The following SETD1A variants were observed in gnomAD, a reference collection of about 807,000 sequenced individuals.
SETD1A encodes histone-lysine N-methyltransferase SETD1A.
In SETD1A, 29 loss-of-function variants were observed where a neutral mutation model predicts 149.9. The observed-to-expected ratio is 0.19, with a 90% CI of 0.14 to 0.26. The LOEUF (loss-of-function observed/expected upper bound fraction) is 0.26. Among genes scored for constraint, SETD1A ranks in the 10% least tolerant of loss-of-function variants. SETD1A has a pLI of 1.00. For missense variants in SETD1A, 2,109 were observed against 2,353.1 expected, an observed-to-expected ratio of 0.90 and a Z score of 2.15; for synonymous variants, 1,141 against 968.5, an observed-to-expected ratio of 1.18 and a Z score of -3.31.
Position 30,964,991 on chromosome 16 carries a change from C to T in SETD1A, c.1249C>T (p.Pro417Ser). 2 of 1,613,876 alleles carry T rather than the reference C, an allele frequency of 1.2e-6. No homozygotes were observed. The highest frequency in any genetic ancestry group is 1.7e-5 in the Admixed American group (1 of 60,024). ...TTACACCTCCTACCTGCCCCCCGAG[C>T]CCAGCCGGCCCACCGACCAGGACTA... ...PSYTSYLPPEPSRPTDQDYRP... is the reference protein window; with the variant it reads ...PSYTSYLPPESSRPTDQDYRP... The change falls in exon 7 of 19, where the codon CCC becomes TCC. Residue 417 changes from proline (P) to serine (S), a missense_variant. Pro to Ser is a moderately conservative substitution (Grantham distance 74). Around this residue, in one of 8 missense-constraint regions of SETD1A, gnomAD observed 410 missense variants for 394.8 expected, o/e 1.04. Transcript: ENST00000262519.
In SETD1A at chr16:30,966,089, G is replaced by C. The variant is rs779459035; in HGVS notation, c.2208G>C (p.Gly736=). Residue 736 remains glycine, a synonymous_variant, in exon 8 of 19, where the codon GGG becomes GGC. Transcript: ENST00000262519. Reference sequence around the variant, plus strand: ...TGCCGTATGCTCTATATGCACAGGGGCAGGAGGGCAGAGGGGCATACTCAC... The same window carrying C: ...TGCCGTATGCTCTATATGCACAGGGCCAGGAGGGCAGAGGGGCATACTCAC... ...YGLPYALYAQ[G]QEGRGAYSRE... 2.5e-6 allele frequency: 4 copies of C among 1,591,910 alleles called. No individual in the cohort carries two copies. The highest frequency in any genetic ancestry group is 4.5e-5 in the East Asian group (2 of 44,598).
At position 30,979,388 on chromosome 16, in the gene SETD1A, G is replaced by C. The variant is rs200458586; in HGVS notation, c.3602G>C (p.Arg1201Pro). 1 of 1,612,122 alleles carries C rather than the reference G, an allele frequency of 6.2e-7. No homozygotes were observed. The highest frequency in any genetic ancestry group is 8.5e-7 in the Non-Finnish European group (1 of 1,179,350). ...GGCCCAGCCTCCCGCAAGGCTCCCC[G>C]GGGCGTGGAGCGGACCATCCGCAAC... ...FPGPASRKAP[R>P]GVERTIRNLP... Residue 1201 changes from arginine (R) to proline (P), a missense_variant, in exon 14 of 19, where the codon CGG (arginine) becomes CCG (proline). Physicochemically the swap from Arg to Pro is moderately radical, Grantham distance 103 (BLOSUM62 -2). Coordinates refer to ENST00000262519, the MANE Select transcript of SETD1A (RefSeq NM_014712.3).
At chr16:30,960,109 C>G (rs1030330963) in intron 3 of SETD1A, among the ~76,000 whole-genome samples, 1 of 152,084 alleles carries the variant, frequency 6.6e-6, no homozygotes, top group African/African-American at 2.4e-5. Context: ...TCTTTCTATT[C>G]TCATTGCCAC....
rs774783241 is a variant in SETD1A, at chr16:30,979,498, C to T, written c.3712C>T (p.Arg1238Cys). The T allele has an allele frequency of 2.5e-5, 40 of 1,602,718 alleles. No individual in the cohort carries two copies. Among genetic ancestry groups the T allele is most frequent in the South Asian group, 5.5e-5 (5 of 90,130 alleles). Residue 1238 changes from arginine to cysteine, a missense_variant, in exon 14 of 19, where the codon CGC becomes TGC. Coordinates refer to ENST00000262519, the MANE Select transcript of SETD1A (RefSeq NM_014712.3). ...GGRSRAGGRG[R>C]LTEEEEAEPG... ...CCGGAGCCGGGCTGGAGGCCGAGGC[C>T]GCCTCACCGAGGAAGAGGAGGCTGA...
rs368816963 is a variant in SETD1A, at chr16:30,983,809, C to A, written c.4950+37C>A. ...GCCAGCCGGGGCAGGAGTTGGGGGT[C>A]GGTGGGGGTGGCCACGGCTCACACG... is the stretch of plus-strand genomic sequence containing the variant. On this transcript the variant is annotated intron_variant, in intron 18 of 18. Transcript: ENST00000262519. The surrounding 1 kb of genome is among the most constrained non-coding windows in gnomAD (Gnocchi z 6.8). 1 of 1,611,494 alleles carries A rather than the reference C, an allele frequency of 6.2e-7. No individual in the cohort carries two copies. The highest frequency in any genetic ancestry group is 2.2e-5 in the East Asian group (1 of 44,828).
In SETD1A at chr16:30,965,651, G is replaced by C. The variant is rs2143498305; in HGVS notation, c.1770G>C (p.Arg590=). The change falls in exon 8 of 19, where the codon CGG becomes CGC. Residue 590 remains arginine, a synonymous_variant. Coordinates refer to ENST00000262519, the MANE Select transcript of SETD1A (RefSeq NM_014712.3). Reference sequence around the variant, plus strand: ...ACATGGAGATCTCCGACGACGACCGGGGTGGCTCACCCCCTCCGGCCCCGA... The same window carrying C: ...ACATGGAGATCTCCGACGACGACCGCGGTGGCTCACCCCCTCCGGCCCCGA... ...GDDMEISDDD[R]GGSPPPAPTP... 1 of 1,612,416 alleles carries C rather than the reference G, an allele frequency of 6.2e-7. No homozygotes were observed. Among genetic ancestry groups the C allele is most frequent in the East Asian group, 2.2e-5 (1 of 44,714 alleles).
At position 30,964,944 on chromosome 16, in the gene SETD1A, C is replaced by T; in HGVS notation, c.1202C>T (p.Thr401Ile). 1 of 1,614,064 alleles carries T rather than the reference C, an allele frequency of 6.2e-7. No individual in the cohort carries two copies. Among genetic ancestry groups the T allele is most frequent in the Non-Finnish European group, 8.5e-7 (1 of 1,179,924 alleles). The stretch of plus-strand genomic sequence containing the variant: ...CCTGGAGCCCCTTTTGCTGAAAATA[C>T]AGCTGAGCGCTTCCCACCTTCTTAC... ...EPPGAPFAEN[T>I]AERFPPSYTS... The change falls in exon 7 of 19, where the codon ACA (threonine) becomes ATA (isoleucine). Residue 401 changes from threonine to isoleucine, a missense_variant. By Grantham distance (89) the Thr-to-Ile change is moderately conservative. This residue lies in a region of SETD1A where 410 missense variants were observed against 394.8 expected (regional missense o/e 1.04). Coordinates refer to ENST00000262519, the MANE Select transcript of SETD1A (RefSeq NM_014712.3).
chr16:30,960,735 T>C (rs1161059976), intron 3 of SETD1A, among the ~76,000 whole-genome samples: 22 of 137,554 alleles, frequency 1.6e-4, no homozygotes, highest in African/African-American at 2.1e-4. Flanking sequence ...TCTTTCTTTT[T>C]TTTTTTTTTT....
Position 30,983,559 on chromosome 16 carries a change from G to C in SETD1A, c.4813-76G>C. On this transcript the variant is annotated intron_variant, in intron 17 of 18. Transcript: ENST00000262519. The surrounding 1 kb of genome is among the most constrained non-coding windows in gnomAD (Gnocchi z 6.8). ...TCCAGGCCTGGTGGGCGTGGACCTG[G>C]GGTGCTGGCTGGCAGGCGTGCTCAG... The C allele has an allele frequency of 6.5e-7, 1 of 1,540,996 alleles. No homozygotes were observed.
intron 9 of SETD1A, among the ~76,000 whole-genome samples, 191 bp from the exon 10 acceptor site, chr16:30,967,310 C>T (rs1027831967): frequency 7.9e-5 from 12 of 152,208 alleles, no homozygotes; most frequent in African/African-American, 1.4e-4. Context: ...CCCGCCACCA[C>T]GCCTGGCTAA....
chr16:30,982,035 A>G (rs1302807699), intron 17 of SETD1A, among the ~76,000 whole-genome samples: 1 of 152,154 alleles, frequency 6.6e-6, no homozygotes, highest in Non-Finnish European at 1.5e-5. Context: ...GGGAACACAC[A>G]CCTGGGGGGC....
chr16:30,966,416 C>T lies in SETD1A; in HGVS notation c.2505+30C>T. On this transcript the variant is annotated intron_variant, in intron 8 of 18. Coordinates refer to ENST00000262519, the MANE Select transcript of SETD1A (RefSeq NM_014712.3). ...GGCCAGCGCCTGGGACCGGGGAGCC[C>T]TGGGCTTTGCAGGAGGAAATGGGCC... 3 of 1,565,882 alleles carry T rather than the reference C, an allele frequency of 1.9e-6. No individual in the cohort carries two copies. The South Asian group carries it at 3.6e-5, about 19-fold the overall frequency.
intron 17 of SETD1A, 108 bp downstream of exon 17, chr16:30,981,288 C>T (rs987372293): frequency 1.3e-5 from 18 of 1,425,580 alleles, no homozygotes; most frequent in South Asian, 3.9e-5. Context: ...TCCCTAACCC[C>T]GGTACCTAGC....
intron 10 of SETD1A, among the ~76,000 whole-genome samples, chr16:30,968,402 CAA>C (rs1367166075): frequency 1.1e-4 from 9 of 79,478 alleles, no homozygotes; most frequent in Admixed American, 1.4e-4. Context: ...GACTGTGTCT[CAA>C]AAAAAAAAAA....
At chr16:30,981,278 T>G in intron 17 of SETD1A, 98 bp downstream of exon 17, 1 of 1,490,112 alleles carries the variant, frequency 6.7e-7, no homozygotes, top group Admixed American at 1.8e-5. Context: ...CCTTGCACAC[T>G]CCCTAACCCC....
Position 30,964,299 on chromosome 16 carries a change from C to G in SETD1A, c.845C>G (p.Ser282Cys). 1 of 1,613,834 alleles carries G rather than the reference C, an allele frequency of 6.2e-7. No homozygotes were observed. Among genetic ancestry groups the G allele is most frequent in the East Asian group, 2.2e-5 (1 of 44,882 alleles). ...ACGTCTCGGGGCAGCACCCCCTACT[C>G]TCAGGACTCTGCCTACTCCAGCAGG... ...PYTSRGSTPY[S>C]QDSAYSSSTT... Residue 282 changes from serine (S) to cysteine (C), a missense_variant, in exon 6 of 19, where the codon TCT (serine) becomes TGT (cysteine). Ser to Cys is a moderately radical substitution (Grantham distance 112, BLOSUM62 -1). This residue lies in a region of SETD1A where 410 missense variants were observed against 394.8 expected (regional missense o/e 1.04). Coordinates refer to ENST00000262519, the MANE Select transcript of SETD1A (RefSeq NM_014712.3).
intron 8 of SETD1A, 49 bp from the exon 9 acceptor site, chr16:30,966,835 G>C (rs1361610268): frequency 6.7e-7 from 1 of 1,493,832 alleles, no homozygotes; most frequent in African/African-American, 1.4e-5. Context: ...AGGCAGGAGG[G>C]AATGCCTGGG....
intron 13 of SETD1A, among the ~76,000 whole-genome samples, chr16:30,976,719 TGAG>T (rs1299173227): frequency 6.6e-6 from 1 of 151,946 alleles, no homozygotes; most frequent in African/African-American, 2.4e-5. Flanking sequence ...TGTGGCTGCT[TGAG>T]GGGAGCTGAG....
chr16:30,982,664 C>T (rs1343732713), intron 17 of SETD1A, among the ~76,000 whole-genome samples: 1 of 70,546 alleles, frequency 1.4e-5, no homozygotes, highest in Non-Finnish European at 4.1e-5. Flanking sequence ...AGGGTCCTTC[C>T]GCAGGAGAGG....
Sources: gnomAD v4.1 joint callset for allele counts (sites outside exome capture counted in the v4.1 genomes callset) on GRCh38, gnomAD v4.1.1 for gene constraint, gnomAD v4.1.1 regional missense constraint, Gnocchi (gnomAD v3.1) non-coding constraint, MANE v1.5 for transcripts, NCBI Gene and HGNC (gene_info 2026-07-23, HGNC 2026-07-21) for gene names.